Variants in TRERF1 observed in about 807,000 individuals in gnomAD.
TRERF1 encodes transcriptional-regulating factor 1.
In TRERF1, 27 loss-of-function variants were observed where a neutral mutation model predicts 122.9. The observed-to-expected ratio is 0.22, with a 90% CI of 0.16 to 0.30. The LOEUF is 0.30. Among genes scored for constraint, TRERF1 ranks in the 10% least tolerant of loss-of-function variants. The pLI, the probability that TRERF1 is intolerant of heterozygous loss-of-function variation, is 1.00. For missense variants in TRERF1, 1,248 were observed against 1,560.3 expected (o/e 0.80, Z 3.37); for synonymous variants, 636 against 641.7 (o/e 0.99, Z 0.13).
At chr6:42,356,284 T>C (rs1770524677) in intron 3 of TRERF1, among the ~76,000 whole-genome samples, 1 of 152,316 alleles carries the variant, frequency 6.6e-6, no homozygotes, top group South Asian at 2.1e-4. Flanking sequence ...CAAATTCCTA[T>C]GTTGAAGCCC....
At chr6:42,360,796 A>C (rs976914929) in intron 3 of TRERF1, among the ~76,000 whole-genome samples, 69 of 149,482 alleles carry the variant, frequency 4.6e-4, no homozygotes, top group African/African-American at 1.3e-3. Flanking sequence ...AAAAAAAAAA[A>C]AAAAAACCTG....
At position 42,228,417 on chromosome 6, in the gene TRERF1, A is replaced by T. The variant is rs1220885643; in HGVS notation, c.3531T>A (p.Ala1177=). Residue 1177 remains alanine (A), a synonymous_variant, in exon 18 of 18, where the codon GCT becomes GCA. Coordinates refer to ENST00000372922, the Ensembl canonical transcript of TRERF1. The surrounding 1 kb of genome is among the most constrained non-coding windows in gnomAD (Gnocchi z 4.2). ...AGAGAAGATCGGTGTCCACAACTTCAGCCTCTTCCATGACACCTCCCAACT... is the reference window on the plus strand; with the variant it reads ...AGAGAAGATCGGTGTCCACAACTTCTGCCTCTTCCATGACACCTCCCAACT... 6 of 1,614,226 alleles carry T rather than the reference A, an allele frequency of 3.7e-6. No homozygotes were observed. Among genetic ancestry groups the T allele is most frequent in the Non-Finnish European group, 5.1e-6 (6 of 1,180,046 alleles).
chr6:42,422,557 C>T (rs1782946085), intron 2 of TRERF1, among the ~76,000 whole-genome samples: 1 of 151,376 alleles, frequency 6.6e-6, no homozygotes, highest in Non-Finnish European at 1.5e-5. Context: ...TTCCACCTTT[C>T]ACTTCTAGCT....
At chr6:42,443,039 T>C (rs1786812642) in intron 2 of TRERF1, among the ~76,000 whole-genome samples, 1 of 152,242 alleles carries the variant, frequency 6.6e-6, no homozygotes, top group African/African-American at 2.4e-5. Context: ...AACTACAAAA[T>C]GCGAGTTATT....
At chr6:42,382,934 T>G (rs1200861287) in intron 2 of TRERF1, among the ~76,000 whole-genome samples, 13 of 133,780 alleles carry the variant, frequency 9.7e-5, no homozygotes, top group East Asian at 2.3e-4. Context: ...GCTTGGGGGG[T>G]GGGGTGGGTG....
intron 2 of TRERF1, among the ~76,000 whole-genome samples, chr6:42,396,436 T>C (rs1778598269): frequency 1.3e-5 from 2 of 152,208 alleles, no homozygotes; most frequent in Non-Finnish European, 2.9e-5. Context: ...TACACTAATT[T>C]ACACAGTGCT....
rs764181620 is a variant in TRERF1, at chr6:42,228,539, C to T, written c.3409G>A (p.Gly1137Arg). 1.4e-5 allele frequency: 22 copies of T among 1,614,076 alleles called. No homozygotes were observed. The highest frequency in any genetic ancestry group is 1.7e-5 in the Non-Finnish European group (20 of 1,180,044). The change falls in exon 18 of 18, where the codon GGG (glycine) becomes AGG (arginine). Residue 1137 changes from glycine to arginine, a missense_variant. This residue lies in a region of TRERF1 where 84 missense variants were observed against 116.0 expected (regional missense o/e 0.72). Transcript: ENST00000372922. The surrounding 1 kb of genome is among the most constrained non-coding windows in gnomAD (Gnocchi z 4.2). ...AGCAGCCCCGGCGCCCCCACGGGCCCCGTAGTCCTCTCAATCGTGGCTGCC... is the reference window on the plus strand; with the variant it reads ...AGCAGCCCCGGCGCCCCCACGGGCCTCGTAGTCCTCTCAATCGTGGCTGCC...
At chr6:42,351,547 T>C (rs1769443631) in intron 3 of TRERF1, among the ~76,000 whole-genome samples, 1 of 152,210 alleles carries the variant, frequency 6.6e-6, no homozygotes, top group Non-Finnish European at 1.5e-5. Flanking sequence ...ATATATAGCA[T>C]ATGCATTATA....
At chr6:42,420,825 A>G (rs1029186464) in intron 2 of TRERF1, among the ~76,000 whole-genome samples, 4 of 152,162 alleles carry the variant, frequency 2.6e-5, no homozygotes, top group African/African-American at 9.7e-5. Flanking sequence ...CTATGATCCA[A>G]TCCAATCTCC....
intron 3 of TRERF1, among the ~76,000 whole-genome samples, chr6:42,361,592 G>A (rs1006567241): frequency 6.6e-6 from 1 of 152,082 alleles, no homozygotes; most frequent in East Asian, 1.9e-4. Flanking sequence ...TGGGATCTCC[G>A]TTGCTCCTAC....
rs574305434 is a variant in TRERF1 at position 42,242,073 on chromosome 6, C to T, written c.2859+1175G>A. ...TCATGCCGCTGCATTCTAGCCTGAG[C>T]GACAAAGTGAGACCCTGTCTCAAAC... is the stretch of plus-strand genomic sequence containing the variant. On this transcript the variant is annotated intron_variant, in intron 15 of 17. Coordinates refer to ENST00000372922, the Ensembl canonical transcript of TRERF1. Among the ~76,000 whole-genome samples, 186 of 152,248 alleles carry T rather than the reference C, an allele frequency of 1.2e-3. 1 individual carries two copies. Among genetic ancestry groups the T allele is most frequent in the South Asian group, 7.1e-3 (34 of 4,816 alleles).
chr6:42,226,113 T>G (rs1051430024), exon 18 of TRERF1: 1 of 152,246 alleles, frequency 6.6e-6, no homozygotes, highest in Admixed American at 6.5e-5. Context: ...ATTTGAACTG[T>G]CTCGTTAAGG....
At chr6:42,399,029 C>T (rs987673670) in intron 2 of TRERF1, among the ~76,000 whole-genome samples, 1 of 152,162 alleles carries the variant, frequency 6.6e-6, no homozygotes, top group Admixed American at 6.5e-5. Context: ...ATCTCACCAC[C>T]TGCCGCCTGG....
At chr6:42,445,979 A>G (rs549483993) in intron 2 of TRERF1, among the ~76,000 whole-genome samples, 1 of 152,238 alleles carries the variant, frequency 6.6e-6, no homozygotes, top group East Asian at 1.9e-4. Flanking sequence ...CAGTGGCACG[A>G]TCTCCACTCA....
chr6:42,227,315 G>A (rs754068438), exon 18 of TRERF1: 3 of 152,184 alleles, frequency 2.0e-5, no homozygotes, highest in African/African-American at 4.8e-5. Flanking sequence ...TCAGTCCAGC[G>A]GATGTGAATT....
chr6:42,386,688 A>G (rs1319824585), intron 2 of TRERF1, among the ~76,000 whole-genome samples: 1 of 152,190 alleles, frequency 6.6e-6, no homozygotes, highest in Admixed American at 6.5e-5. Flanking sequence ...ATTATCACAG[A>G]TGGATCAAGA....
At chr6:42,405,512 G>A (rs1046461848) in intron 2 of TRERF1, among the ~76,000 whole-genome samples, 16 of 152,146 alleles carry the variant, frequency 1.1e-4, no homozygotes, top group South Asian at 8.3e-4. Context: ...GAAAATAGAC[G>A]GGTCTGGTGC....
At chr6:42,236,536 G>T (rs1280354048) in intron 15 of TRERF1, 125 bp from the exon 16 acceptor site, 1 of 1,385,366 alleles carries the variant, frequency 7.2e-7, no homozygotes, top group Non-Finnish European at 9.5e-7. Flanking sequence ...CTTTCTTTCT[G>T]CATAAGGAAT....
chr6:42,322,018 A>G (rs1331211220), intron 3 of TRERF1, among the ~76,000 whole-genome samples: 1 of 152,244 alleles, frequency 6.6e-6, no homozygotes, highest in Non-Finnish European at 1.5e-5. Context: ...TTAACAATGT[A>G]AAAGTAAAAG....
Sources: gnomAD v4.1 joint callset for allele counts (sites outside exome capture counted in the v4.1 genomes callset) on GRCh38, gnomAD v4.1.1 for gene constraint, gnomAD v4.1.1 regional missense constraint, Gnocchi (gnomAD v3.1) non-coding constraint, MANE v1.5 for transcripts, NCBI Gene and HGNC (gene_info 2026-07-23, HGNC 2026-07-21) for gene names.